AGBL1: variants seen among roughly 807,000 people sequenced by gnomAD.
AGBL1 encodes cytosolic carboxypeptidase 4.
Under a neutral mutation model 118.9 loss-of-function variants are expected in AGBL1, and 130 were observed. The ratio of observed to expected loss-of-function variants is 1.09; its 90% CI spans 0.95 to 1.26. AGBL1 has a LOEUF of 1.26. AGBL1 is among the 50% of genes most tolerant of loss of function. The pLI, the probability that AGBL1 is intolerant of heterozygous loss-of-function variation, is 0.00. For missense variants in AGBL1, 1,584 were observed against 1,298.1 expected (o/e 1.22, Z -3.38); for synonymous variants, 555 against 478.9 (o/e 1.16, Z -2.08).
At chr15:86,669,021 A>G (rs184442795) in intron 21 of AGBL1, among the ~76,000 whole-genome samples, 1 of 152,266 alleles carries the variant, frequency 6.6e-6, no homozygotes, top group Admixed American at 6.5e-5. Flanking sequence ...TAGTGTCCTC[A>G]AGTACTTAGG....
intron 17 of AGBL1, among the ~76,000 whole-genome samples, chr15:86,333,754 C>T (rs2080313695): frequency 6.6e-6 from 1 of 152,050 alleles, no homozygotes; most frequent in African/African-American, 2.4e-5. Context: ...CAGGTCAATA[C>T]CTCTGATAAA....
At chr15:86,988,160 C>T in intron 24 of AGBL1, 2 of 1,560,346 alleles carry the variant, frequency 1.3e-6, no homozygotes, top group South Asian at 1.2e-5. Flanking sequence ...CTGCATGTGA[C>T]TACATTGGGA....
chr15:86,944,712 T>C (rs2080796069), intron 23 of AGBL1, among the ~76,000 whole-genome samples: 1 of 152,200 alleles, frequency 6.6e-6, no homozygotes, highest in Non-Finnish European at 1.5e-5. Context: ...TTTAATACCT[T>C]CAATTCATTT....
chr15:86,269,486 G>A (rs7176814), intron 13 of AGBL1, among the ~76,000 whole-genome samples: 107,375 of 152,038 alleles, frequency 0.71, 39,486 homozygotes, highest in African/African-American at 0.89. Context: ...ATAAAAAGGT[G>A]TGCTAATATT....
chr15:86,443,020 C>T (rs1215902645), intron 18 of AGBL1, among the ~76,000 whole-genome samples: 1 of 152,186 alleles, frequency 6.6e-6, no homozygotes, highest in Non-Finnish European at 1.5e-5. Context: ...GTCTGGATCT[C>T]CTGTACCAGC....
intron 23 of AGBL1, among the ~76,000 whole-genome samples, chr15:86,982,727 C>A (rs866272924): frequency 1.6e-4 from 25 of 152,196 alleles, no homozygotes; most frequent in African/African-American, 5.8e-4. Flanking sequence ...ATAACATTTT[C>A]CTTTCTCTAG....
intron 22 of AGBL1, among the ~76,000 whole-genome samples, chr15:86,831,147 C>T (rs551263930): frequency 6.6e-5 from 10 of 152,218 alleles, no homozygotes; most frequent in Admixed American, 2.6e-4. Flanking sequence ...AAAACCTGCC[C>T]GCATGATTCA....
chr15:87,018,640 C>T (rs961071464), intron 24 of AGBL1, among the ~76,000 whole-genome samples: 1 of 151,356 alleles, frequency 6.6e-6, no homozygotes, highest in African/African-American at 2.4e-5. Flanking sequence ...AAAACTGTTA[C>T]CAAAAGTATT....
chr15:86,125,701 C>T (rs1435989201), intron 1 of AGBL1, among the ~76,000 whole-genome samples: 2 of 152,206 alleles, frequency 1.3e-5, no homozygotes. Context: ...AGGCAGGGAT[C>T]TCTGCATATT....
downstream of AGBL1, among the ~76,000 whole-genome samples, chr15:86,919,803 G>A (rs2080466820): frequency 6.6e-6 from 1 of 152,152 alleles, no homozygotes; most frequent in African/African-American, 2.4e-5. Context: ...GATGATATGA[G>A]AAAGATGGTG....
chr15:86,259,817 T>G (rs2078954043), intron 9 of AGBL1, among the ~76,000 whole-genome samples: 1 of 152,222 alleles, frequency 6.6e-6, no homozygotes, highest in Admixed American at 6.5e-5. Flanking sequence ...CTTTGATAAC[T>G]GAATGTCTGA....
intron 18 of AGBL1, among the ~76,000 whole-genome samples, chr15:86,435,954 T>C (rs1335124108): frequency 6.6e-6 from 1 of 152,198 alleles, no homozygotes; most frequent in Non-Finnish European, 1.5e-5. Flanking sequence ...TAACTAATCC[T>C]ATATTAACTT....
At chr15:86,754,844 C>G (rs1435757907) in intron 22 of AGBL1, among the ~76,000 whole-genome samples, 2 of 152,102 alleles carry the variant, frequency 1.3e-5, no homozygotes, top group African/African-American at 4.8e-5. Flanking sequence ...AGAGAAAACC[C>G]AATCTGTCCT....
intron 24 of AGBL1, among the ~76,000 whole-genome samples, chr15:87,018,038 A>G (rs2081624242): frequency 1.0e-5 from 1 of 97,892 alleles, no homozygotes; most frequent in African/African-American, 4.8e-5. Flanking sequence ...GAGCTTGAAG[A>G]ATATCTTTCT....
intron 18 of AGBL1, among the ~76,000 whole-genome samples, chr15:86,438,827 AATTTTTAT>A (rs1168065796): frequency 4.0e-5 from 6 of 151,702 alleles, no homozygotes; most frequent in Non-Finnish European, 7.4e-5. Context: ...ATGCCTAGCT[AATTTTTAT>A]ATTTTTAGTA....
intron 5 of AGBL1, among the ~76,000 whole-genome samples, chr15:86,180,503 A>G (rs1202605777): frequency 1.3e-5 from 2 of 152,174 alleles, no homozygotes; most frequent in Admixed American, 6.5e-5. Context: ...CTTATACTTT[A>G]CAACATAAAC....
At chr15:86,447,704 C>T (rs78305511) in intron 18 of AGBL1, among the ~76,000 whole-genome samples, 45 of 152,236 alleles carry the variant, frequency 3.0e-4, no homozygotes, top group Middle Eastern at 3.4e-3. Flanking sequence ...TCTAATAATA[C>T]TTACTGAGTA....
intron 22 of AGBL1, among the ~76,000 whole-genome samples, chr15:86,854,733 T>C (rs1486072858): frequency 6.6e-6 from 1 of 152,206 alleles, no homozygotes. Flanking sequence ...GCTTGACTCT[T>C]CATGCAATTG....
chr15:86,622,153 C>T (rs1021924570), intron 21 of AGBL1, among the ~76,000 whole-genome samples: 11 of 151,972 alleles, frequency 7.2e-5, no homozygotes, highest in Non-Finnish European at 1.3e-4. Context: ...CATGGTGAAA[C>T]GTTGTCTCTA....
Sources: allele counts gnomAD v4.1 joint callset (sites outside exome capture counted in the v4.1 genomes callset), GRCh38; gene constraint gnomAD v4.1.1; transcripts MANE v1.5; gene names NCBI Gene and HGNC (gene_info 2026-07-23, HGNC 2026-07-21).